Variants in MGMT observed in about 807,000 individuals in gnomAD.
The protein encoded by MGMT is methylated-DNA--protein-cysteine methyltransferase.
A neutral mutation model predicts 15.9 loss-of-function variants in MGMT; 14 were observed. The observed-to-expected ratio is 0.88, with a 90% CI of 0.58 to 1.37. The LOEUF is 1.37. Among genes scored for constraint, MGMT ranks in the 40% most tolerant of loss-of-function variants. The pLI, the probability that MGMT is intolerant of heterozygous loss-of-function variation, is 0.00. For missense variants in MGMT, 282 were observed against 268.1 expected (o/e 1.05, Z -0.36); for synonymous variants, 130 against 118.2 (o/e 1.10, Z -0.65).
intron 3 of MGMT, among the ~76,000 whole-genome samples, chr10:129,732,605 G>A (rs1174268663): frequency 6.7e-6 from 1 of 150,150 alleles, no homozygotes; most frequent in East Asian, 2.0e-4. Context: ...TGTGCATAAT[G>A]TGCAGGTTAG....
intron 2 of MGMT, among the ~76,000 whole-genome samples, chr10:129,698,511 C>T (rs959220407): frequency 6.6e-6 from 1 of 152,174 alleles, no homozygotes; most frequent in Non-Finnish European, 1.5e-5. Flanking sequence ...TATACAAGCA[C>T]TTTATTTCTA....
intron 2 of MGMT, among the ~76,000 whole-genome samples, chr10:129,697,390 G>A (rs1360827084): frequency 6.6e-6 from 1 of 152,212 alleles, no homozygotes; most frequent in East Asian, 1.9e-4. Flanking sequence ...ATTCCACGGA[G>A]ATGCCCCAGA....
chr10:129,651,223 C>G (rs2026976), intron 2 of MGMT, among the ~76,000 whole-genome samples: 43,883 of 152,038 alleles, frequency 0.29, 6,741 homozygotes, highest in Non-Finnish European at 0.33. Context: ...GCTCAGGTCC[C>G]GTCTTGGCCT....
At chr10:129,745,251 T>C (rs899834619) in intron 3 of MGMT, among the ~76,000 whole-genome samples, 1 of 152,216 alleles carries the variant, frequency 6.6e-6, no homozygotes, top group African/African-American at 2.4e-5. Context: ...ATTTTTTAAA[T>C]TAACATGTAG....
intron 2 of MGMT, among the ~76,000 whole-genome samples, chr10:129,628,671 G>A (rs969398250): frequency 2.6e-5 from 4 of 152,206 alleles, no homozygotes; most frequent in Non-Finnish European, 1.5e-5. Flanking sequence ...GAGGCACTGC[G>A]TGTTGGGCTC....
intron 2 of MGMT, among the ~76,000 whole-genome samples, chr10:129,619,385 AAAT>A (rs1300294870): frequency 6.6e-6 from 1 of 152,166 alleles, no homozygotes; most frequent in Non-Finnish European, 1.5e-5. Flanking sequence ...ATATACATAG[AAAT>A]AATAAATATA....
At chr10:129,719,126 C>T (rs771857260) in intron 3 of MGMT, among the ~76,000 whole-genome samples, 1 of 151,378 alleles carries the variant, frequency 6.6e-6, no homozygotes, top group Non-Finnish European at 1.5e-5. Context: ...AGGCATGTCA[C>T]CTTCCCGAGG....
intron 2 of MGMT, among the ~76,000 whole-genome samples, chr10:129,539,857 A>G (rs1482467193): frequency 2.6e-5 from 4 of 152,112 alleles, no homozygotes. Flanking sequence ...CTCTAAATTT[A>G]TTTATTTTTG....
intron 1 of MGMT, among the ~76,000 whole-genome samples, chr10:129,516,858 T>A (rs532353892): frequency 6.6e-6 from 1 of 152,348 alleles, no homozygotes; most frequent in Non-Finnish European, 1.5e-5. Flanking sequence ...TAATGTTATG[T>A]GCACTCATAG....
chr10:129,725,718 A>G (rs1848426440), intron 3 of MGMT, among the ~76,000 whole-genome samples: 1 of 152,206 alleles, frequency 6.6e-6, no homozygotes, highest in African/African-American at 2.4e-5. Context: ...TTGGAGCAGC[A>G]CCCTGTGCCC....
rs1367450996 is a variant in MGMT at position 129,767,064 on chromosome 10, G to T, written c.*67G>T. 5 of 1,312,922 alleles carry T rather than the reference G, an allele frequency of 3.8e-6. No individual in the cohort carries two copies. The highest frequency in any genetic ancestry group is 2.5e-5 in the Admixed American group (1 of 40,672). The allele number at this position is 1,312,922 out of a possible 1,614,324, so 81.3% of individuals were successfully genotyped here. A position where few individuals can be genotyped will look rare whatever the true frequency, so the allele number is the denominator to read the frequency against. The stretch of plus-strand genomic sequence containing the variant: ...AACACTGCATCGGATGCGGGGCGTG[G>T]AGGCACCGCTGTATTAAAGGAAGTG... On this transcript the variant is annotated 3_prime_UTR_variant, in exon 5 of 5. Transcript: ENST00000651593.
rs1240023286 is a variant in MGMT, at chr10:129,566,955, T to C, written c.125+30578T>C. 6.6e-6 allele frequency among the ~76,000 whole-genome samples: 1 copy of C among 152,182 alleles called. No homozygotes were observed. Among genetic ancestry groups the C allele is most frequent in the Non-Finnish European group, 1.5e-5 (1 of 68,028 alleles). On this transcript the variant is annotated intron_variant, in intron 2 of 4. Coordinates refer to ENST00000651593, the MANE Select transcript of MGMT (RefSeq NM_002412.5). The surrounding 1 kb of genome is among the most constrained non-coding windows in gnomAD (Gnocchi z 4.1). The stretch of plus-strand genomic sequence containing the variant: ...CAATACCCAGGAGGTGCCATCTCTC[T>C]TGGCGGGTGACACGTAACTGTTACA...
intron 2 of MGMT, among the ~76,000 whole-genome samples, chr10:129,586,260 T>C (rs765278650): frequency 1.3e-5 from 2 of 152,210 alleles, no homozygotes; most frequent in African/African-American, 2.4e-5. Flanking sequence ...AAAATTTGCC[T>C]ATGGATGACC....
At chr10:129,631,676 T>A (rs1847211239) in intron 2 of MGMT, among the ~76,000 whole-genome samples, 1 of 151,938 alleles carries the variant, frequency 6.6e-6, no homozygotes, top group South Asian at 2.1e-4. Flanking sequence ...TACAAAAAAT[T>A]AGCTGGGTGA....
intron 3 of MGMT, among the ~76,000 whole-genome samples, chr10:129,730,989 G>A (rs1031125891): frequency 2.0e-5 from 3 of 152,150 alleles, no homozygotes; most frequent in Admixed American, 2.0e-4. Flanking sequence ...ATACGCCTCT[G>A]GGGGAGCTTC....
At chr10:129,479,260 G>T (rs1160077474) in intron 1 of MGMT, among the ~76,000 whole-genome samples, 1 of 152,162 alleles carries the variant, frequency 6.6e-6, no homozygotes, top group Non-Finnish European at 1.5e-5. Flanking sequence ...TGGGAGTGCT[G>T]TAATGTAAAA....
At chr10:129,479,036 G>A (rs895147603) in intron 1 of MGMT, among the ~76,000 whole-genome samples, 1 of 152,162 alleles carries the variant, frequency 6.6e-6, no homozygotes, top group African/African-American at 2.4e-5. Context: ...GTAGTTGGGC[G>A]TGATTTCTTA....
chr10:129,736,744 G>T (rs993818894), intron 3 of MGMT, among the ~76,000 whole-genome samples: 2 of 151,804 alleles, frequency 1.3e-5, no homozygotes, highest in African/African-American at 4.8e-5. Context: ...AGCTCTTTTA[G>T]GGCAGGCCTG....
chr10:129,471,913 G>T (rs1845235812), intron 1 of MGMT, among the ~76,000 whole-genome samples: 2 of 152,220 alleles, frequency 1.3e-5, no homozygotes, highest in African/African-American at 2.4e-5. Context: ...ACTCCTGAGA[G>T]ACGTGAATCT....
Sources: gnomAD v4.1 joint callset for allele counts (sites outside exome capture counted in the v4.1 genomes callset) on GRCh38, gnomAD v4.1.1 for gene constraint, Gnocchi (gnomAD v3.1) non-coding constraint, MANE v1.5 for transcripts, NCBI Gene and HGNC (gene_info 2026-07-23, HGNC 2026-07-21) for gene names.